Variants in SIPA1L3 observed in about 807,000 individuals in gnomAD.
SIPA1L3 encodes signal-induced proliferation-associated 1-like protein 3.
SIPA1L3 carries 59 observed loss-of-function variants against 150.1 expected under a neutral mutation model. The ratio of observed to expected loss-of-function variants is 0.39; its 90% CI spans 0.32 to 0.49. The LOEUF (loss-of-function observed/expected upper bound fraction) is 0.49. Ranked by LOEUF, SIPA1L3 falls within the 20% of genes least tolerant of loss-of-function variation. The probability of loss-of-function intolerance (pLI) is 0.86; values close to 1 mark genes in which losing one functional copy is unlikely to be tolerated. For missense variants in SIPA1L3, 2,211 were observed against 2,489.5 expected, an observed-to-expected ratio of 0.89 and a Z score of 2.38; for synonymous variants, 1,070 against 1,077.6, an observed-to-expected ratio of 0.99 and a Z score of 0.14.
intron 2 of SIPA1L3, among the ~76,000 whole-genome samples, chr19:38,057,850 G>A (rs1969358522): frequency 6.6e-6 from 1 of 151,654 alleles, no homozygotes; most frequent in African/African-American, 2.4e-5. Flanking sequence ...TTTTAGTAGA[G>A]ACAGGGTTTC....
At chr19:38,202,130 T>A (rs569141168) in intron 20 of SIPA1L3, 133 bp downstream of exon 20, 41 of 791,030 alleles carry the variant, frequency 5.2e-5, no homozygotes, top group Non-Finnish European at 3.5e-5. Context: ...TAGCAGCTAC[T>A]CCCCCCTCCT....
chr19:38,162,400 G>C (rs200081015), intron 14 of SIPA1L3, 29 bp downstream of exon 14: 3 of 1,555,250 alleles, frequency 1.9e-6, no homozygotes, highest in East Asian at 2.2e-5. Flanking sequence ...CTGCCCTACC[G>C]GGGGAGCCAG....
At chr19:37,994,873 C>A (rs1318452135) in intron 1 of SIPA1L3, among the ~76,000 whole-genome samples, 1 of 152,188 alleles carries the variant, frequency 6.6e-6, no homozygotes, top group South Asian at 2.1e-4. Context: ...TTGCAAACAT[C>A]CTGGAGGAGA....
At chr19:38,107,845 C>T (rs1202643900) in intron 7 of SIPA1L3, among the ~76,000 whole-genome samples, 1 of 152,008 alleles carries the variant, frequency 6.6e-6, no homozygotes, top group Non-Finnish European at 1.5e-5. Context: ...GGCATGGTGG[C>T]GTGTGCCTAT....
chr19:38,188,828 C>T (rs1468867160), intron 16 of SIPA1L3, among the ~76,000 whole-genome samples: 3 of 151,330 alleles, frequency 2.0e-5, no homozygotes, highest in Non-Finnish European at 4.4e-5. Context: ...GAGGCTGAGG[C>T]AGGAGAATGG....
chr19:38,036,709 A>C (rs1182252033), intron 2 of SIPA1L3, among the ~76,000 whole-genome samples: 1 of 152,108 alleles, frequency 6.6e-6, no homozygotes, highest in Non-Finnish European at 1.5e-5. Context: ...TTAACCCTGA[A>C]ATCCTAGAGG....
intron 1 of SIPA1L3, among the ~76,000 whole-genome samples, chr19:37,943,114 T>A (rs1247455993): frequency 1.4e-5 from 2 of 146,770 alleles, no homozygotes; most frequent in African/African-American, 5.0e-5. Flanking sequence ...CACCAGGTGA[T>A]CCTCCTGCCT....
At chr19:38,019,533 T>G (rs1227823143) in intron 1 of SIPA1L3, among the ~76,000 whole-genome samples, 1 of 152,140 alleles carries the variant, frequency 6.6e-6, no homozygotes, top group Non-Finnish European at 1.5e-5. Context: ...GGAAATGTAG[T>G]CTTAGCTGAG....
intron 6 of SIPA1L3, among the ~76,000 whole-genome samples, chr19:38,106,026 A>G (rs1283263340): frequency 1.3e-5 from 2 of 152,148 alleles, no homozygotes; most frequent in East Asian, 1.9e-4. Context: ...CTCGCCAACC[A>G]TTGGTGCTGT....
rs370826368 is a variant in SIPA1L3, at chr19:37,984,331, T to G, written c.-378-44758T>G. On this transcript the variant is annotated intron_variant, in intron 1 of 21. Transcript: ENST00000222345. Reference sequence around the variant, plus strand: ...CGGGTGGAGTGAGAAGAAGCATACATCTAGTAGGATTTCCAGAAATAAAGC... The same window carrying G: ...CGGGTGGAGTGAGAAGAAGCATACAGCTAGTAGGATTTCCAGAAATAAAGC... Among the ~76,000 whole-genome samples, 104 of 152,214 alleles carry G rather than the reference T, an allele frequency of 6.8e-4. 3 individuals carry two copies. In the South Asian group the frequency reaches 0.018, roughly 27 times the overall value.
At chr19:38,007,505 C>G (rs1228027444) in intron 1 of SIPA1L3, among the ~76,000 whole-genome samples, 3 of 150,580 alleles carry the variant, frequency 2.0e-5, no homozygotes, top group Non-Finnish European at 3.0e-5. Flanking sequence ...TTTGTAATTG[C>G]CCGGGGGAGG....
intron 2 of SIPA1L3, among the ~76,000 whole-genome samples, chr19:38,053,647 C>T (rs1288819412): frequency 1.3e-5 from 2 of 152,032 alleles, no homozygotes; most frequent in African/African-American, 4.8e-5. Context: ...GCTTCACAGT[C>T]CTGGGCTCAA....
chr19:37,938,940 C>T (rs1356338024), intron 1 of SIPA1L3, among the ~76,000 whole-genome samples: 3 of 152,050 alleles, frequency 2.0e-5, no homozygotes, highest in Non-Finnish European at 4.4e-5. Context: ...CTTCTTTTTC[C>T]TATTGAATTG....
rs956500436 is a variant in SIPA1L3, at chr19:38,206,430, C to T, written c.*190C>T. ...GGTCAGCGCGCACAGCCCTCATGCC[C>T]CAGAGGGCGAAGTGGTCTCAGGCCT... On this transcript the variant is annotated 3_prime_UTR_variant, in exon 22 of 22. Coordinates refer to ENST00000222345, the MANE Select transcript of SIPA1L3 (RefSeq NM_015073.3). 1.5e-6 allele frequency: 1 copy of T among 648,718 alleles called. No individual in the cohort carries two copies. Among genetic ancestry groups the T allele is most frequent in the African/African-American group, 1.9e-5 (1 of 53,590 alleles). The allele number at this position is 648,718 out of a possible 1,614,324, so 40.2% of individuals were successfully genotyped here.
chr19:38,135,206 G>A (rs551623498), intron 10 of SIPA1L3, among the ~76,000 whole-genome samples: 3 of 152,130 alleles, frequency 2.0e-5, no homozygotes, highest in African/African-American at 4.8e-5. Flanking sequence ...TTCCTGAGTC[G>A]TGCTTGCTCT....
intron 1 of SIPA1L3, among the ~76,000 whole-genome samples, chr19:37,939,361 A>AC (rs2046630856): frequency 6.9e-6 from 1 of 144,146 alleles, no homozygotes; most frequent in Admixed American, 7.4e-5. Flanking sequence ...AGATTGCACC[A>AC]TGCACTCCAG....
intron 2 of SIPA1L3, among the ~76,000 whole-genome samples, chr19:38,072,514 T>A (rs907949346): frequency 1.2e-4 from 19 of 152,250 alleles, no homozygotes; most frequent in African/African-American, 4.6e-4. Context: ...TCACAGATAG[T>A]TCTTCTCCCA....
chr19:38,182,317 G>A (rs1972572891), intron 15 of SIPA1L3, among the ~76,000 whole-genome samples: 1 of 152,114 alleles, frequency 6.6e-6, no homozygotes, highest in East Asian at 1.9e-4. Context: ...ATCCTTGGGT[G>A]GGATTAGGCG....
At chr19:38,055,473 G>A (rs1599961472) in intron 2 of SIPA1L3, among the ~76,000 whole-genome samples, 2 of 152,292 alleles carry the variant, frequency 1.3e-5, no homozygotes, top group African/African-American at 2.4e-5. Context: ...CAATAGCTTC[G>A]CCAAAAGGTC....
Sources: gnomAD v4.1 joint callset for allele counts (sites outside exome capture counted in the v4.1 genomes callset) on GRCh38, gnomAD v4.1.1 for gene constraint, MANE v1.5 for transcripts, NCBI Gene and HGNC (gene_info 2026-07-23, HGNC 2026-07-21) for gene names.